The following KCNAB1 variants were observed in gnomAD, a reference collection of about 807,000 sequenced individuals.
KCNAB1 encodes potassium voltage-gated channel subfamily A regulatory beta subunit 1, also known as voltage-gated potassium channel subunit beta-1.
A neutral mutation model predicts 64.6 loss-of-function variants in KCNAB1; 35 were observed. The ratio of observed to expected loss-of-function variants is 0.54; its 90% CI spans 0.41 to 0.72. The LOEUF (loss-of-function observed/expected upper bound fraction) is 0.72, where lower values mean the gene tolerates loss of function less well. Among genes scored for constraint, KCNAB1 ranks in the 30% least tolerant of loss-of-function variants. The probability of loss-of-function intolerance (pLI) is 0.00; values close to 1 mark genes in which losing one functional copy is unlikely to be tolerated. For synonymous variants in KCNAB1, 177 were observed against 183.8 expected (o/e 0.96, Z 0.30); for missense variants, 401 against 512.9 (o/e 0.78, Z 2.11).
intron 8 of KCNAB1, among the ~76,000 whole-genome samples, chr3:156,489,236 A>G (rs1383304294): frequency 6.6e-6 from 1 of 152,090 alleles, no homozygotes; most frequent in African/African-American, 2.4e-5. Flanking sequence ...AAAAAAGAAG[A>G]TATAGAAAGA....
At chr3:156,257,725 C>T (rs1302059830) in intron 1 of KCNAB1, among the ~76,000 whole-genome samples, 1 of 152,140 alleles carries the variant, frequency 6.6e-6, no homozygotes, top group African/African-American at 2.4e-5. Context: ...TCCATGGTGG[C>T]TGCTTATGAG....
intron 1 of KCNAB1, among the ~76,000 whole-genome samples, chr3:156,391,096 AG>A (rs1713008211): frequency 6.6e-6 from 1 of 152,178 alleles, no homozygotes; most frequent in African/African-American, 2.4e-5. Flanking sequence ...TAAGATATAC[AG>A]ATAATGGGAA....
At chr3:156,314,456 G>A (rs1722142737) in intron 1 of KCNAB1, among the ~76,000 whole-genome samples, 1 of 152,112 alleles carries the variant, frequency 6.6e-6, no homozygotes, top group Admixed American at 6.5e-5. Context: ...TTCTATCAAA[G>A]GCCACCCAAC....
intron 1 of KCNAB1, among the ~76,000 whole-genome samples, chr3:156,403,933 G>A (rs1322952733): frequency 6.6e-6 from 1 of 150,628 alleles, no homozygotes; most frequent in Non-Finnish European, 1.5e-5. Flanking sequence ...ATGCATAATT[G>A]TGTACCAAAC....
At chr3:156,194,271 C>CTGA (rs1267778712) in intron 1 of KCNAB1, among the ~76,000 whole-genome samples, 1 of 151,412 alleles carries the variant, frequency 6.6e-6, no homozygotes, top group African/African-American at 2.4e-5. Flanking sequence ...TGTTGCAAGT[C>CTGA]TGATGATGAT....
At chr3:156,228,427 C>G (rs1210291775) in intron 1 of KCNAB1, among the ~76,000 whole-genome samples, 1 of 152,214 alleles carries the variant, frequency 6.6e-6, no homozygotes, top group Non-Finnish European at 1.5e-5. Context: ...GTTGTTTCCT[C>G]AAGCATTTCT....
chr3:156,451,592 A>C (rs1227756112), intron 2 of KCNAB1, among the ~76,000 whole-genome samples: 1 of 151,776 alleles, frequency 6.6e-6, no homozygotes, highest in Non-Finnish European at 1.5e-5. Flanking sequence ...GTTCTTCCAT[A>C]AATGGTAGCT....
chr3:156,291,291 C>A, intron 1 of KCNAB1: 1 of 989,790 alleles, frequency 1.0e-6, no homozygotes, highest in Non-Finnish European at 1.2e-6. Context: ...GGAGCCCCCA[C>A]GTCCTCCCGG....
chr3:156,535,340 C>A (rs765278634), intron 13 of KCNAB1, among the ~76,000 whole-genome samples: 47 of 152,330 alleles, frequency 3.1e-4, no homozygotes, highest in Middle Eastern at 3.4e-3. Context: ...AGTCTCCACA[C>A]AGGGTCAGAC....
chr3:156,188,212 G>GTT (rs568042261), intron 1 of KCNAB1, among the ~76,000 whole-genome samples: 6 of 144,070 alleles, frequency 4.2e-5, no homozygotes, highest in Non-Finnish European at 6.1e-5. Context: ...TCCCTGTGGG[G>GTT]TTTTTTTTTT....
chr3:156,310,697 G>A (rs760726832), intron 1 of KCNAB1, among the ~76,000 whole-genome samples: 12 of 152,138 alleles, frequency 7.9e-5, no homozygotes, highest in African/African-American at 1.4e-4. Context: ...CCAGCTACTC[G>A]GGAGGCTGAG....
At chr3:156,298,117 A>G (rs763074503) in intron 1 of KCNAB1, among the ~76,000 whole-genome samples, 2 of 152,206 alleles carry the variant, frequency 1.3e-5, no homozygotes, top group African/African-American at 2.4e-5. Context: ...ATTCAATCTC[A>G]TAGAGTTTAT....
intron 8 of KCNAB1, among the ~76,000 whole-genome samples, chr3:156,511,055 C>A (rs146149658): frequency 1.3e-5 from 2 of 152,138 alleles, no homozygotes; most frequent in Non-Finnish European, 2.9e-5. Flanking sequence ...TGCTCACTGT[C>A]GTATTTATCC....
chr3:156,291,871 G>A (rs763608731), intron 1 of KCNAB1: 1 of 1,611,658 alleles, frequency 6.2e-7, no homozygotes, highest in Non-Finnish European at 8.5e-7. Flanking sequence ...CTGTGTTCTG[G>A]GGTTCTGAGA....
At chr3:156,365,462 C>A (rs1725889723) in intron 1 of KCNAB1, among the ~76,000 whole-genome samples, 1 of 152,202 alleles carries the variant, frequency 6.6e-6, no homozygotes, top group Non-Finnish European at 1.5e-5. Context: ...AGAATGTTAA[C>A]ATTAATAAGG....
chr3:156,207,215 GGGAGTAGTGGGTA>G (rs1382140197), intron 1 of KCNAB1, among the ~76,000 whole-genome samples: 18 of 152,346 alleles, frequency 1.2e-4, no homozygotes, highest in Non-Finnish European at 1.5e-4. Flanking sequence ...GTGGCAGGGT[GGGAGTAGTGGGTA>G]GGAGTAGTGG....
chr3:156,525,032 A>G (rs76300220), intron 12 of KCNAB1, among the ~76,000 whole-genome samples: 2,461 of 152,306 alleles, frequency 0.016, 67 homozygotes, highest in East Asian at 0.071. Context: ...AGTCTAGCAC[A>G]CACAATCATG....
intron 5 of KCNAB1, among the ~76,000 whole-genome samples, chr3:156,462,047 A>G (rs958332223): frequency 1.3e-5 from 2 of 152,260 alleles, no homozygotes; most frequent in Non-Finnish European, 2.9e-5. Flanking sequence ...AATGGACAGC[A>G]TAACAGTTCA....
At chr3:156,272,603 C>T (rs1476836968) in intron 1 of KCNAB1, among the ~76,000 whole-genome samples, 1 of 151,934 alleles carries the variant, frequency 6.6e-6, no homozygotes, top group Non-Finnish European at 1.5e-5. Context: ...ACCTTCATAG[C>T]AATGAGTTCT....
Sources: allele counts gnomAD v4.1 joint callset (sites outside exome capture counted in the v4.1 genomes callset), GRCh38; gene constraint gnomAD v4.1.1; transcripts MANE v1.5; gene names NCBI Gene and HGNC (gene_info 2026-07-23, HGNC 2026-07-21).